Variants in PRKACB observed in about 807,000 individuals in gnomAD.
The protein encoded by PRKACB is cAMP-dependent protein kinase catalytic subunit beta.
In PRKACB, 16 loss-of-function variants were observed where a neutral mutation model predicts 51.4. The observed-to-expected ratio is 0.31, with a 90% CI of 0.21 to 0.47. The LOEUF is 0.47. Among genes scored for constraint, PRKACB ranks in the 20% least tolerant of loss-of-function variants. The probability of loss-of-function intolerance (pLI) is 1.00; values close to 1 mark genes in which losing one functional copy is unlikely to be tolerated. For missense variants in PRKACB, 309 were observed against 464.5 expected, an observed-to-expected ratio of 0.67 and a Z score of 3.08; for synonymous variants, 147 against 154.4, an observed-to-expected ratio of 0.95 and a Z score of 0.35.
At chr1:84,107,948 C>G (rs530959090) in intron 1 of PRKACB, among the ~76,000 whole-genome samples, 3 of 152,110 alleles carry the variant, frequency 2.0e-5, no homozygotes, top group African/African-American at 7.2e-5. Context: ...AAAAACAGAC[C>G]TACCATTGGA....
intron 8 of PRKACB, 70 bp from the exon 9 acceptor site, chr1:84,214,083 T>C: frequency 7.0e-7 from 1 of 1,426,528 alleles, no homozygotes; most frequent in South Asian, 1.6e-5. Context: ...AAAAAAAAAC[T>C]TTATGAAATC....
intron 1 of PRKACB, among the ~76,000 whole-genome samples, chr1:84,160,159 A>G (rs1287417854): frequency 6.6e-6 from 1 of 152,062 alleles, no homozygotes; most frequent in East Asian, 1.9e-4. Context: ...AATGTTTCAT[A>G]TAATTAACCA....
chr1:84,151,274 A>G (rs139059601), intron 1 of PRKACB, among the ~76,000 whole-genome samples: 136 of 152,294 alleles, frequency 8.9e-4, no homozygotes, highest in Middle Eastern at 3.4e-3. Context: ...TTAAAAGTAC[A>G]TATCTTAATT....
chr1:84,100,842 G>T (rs1308702554), intron 1 of PRKACB, among the ~76,000 whole-genome samples: 3 of 152,100 alleles, frequency 2.0e-5, no homozygotes, highest in Admixed American at 2.0e-4. Flanking sequence ...TTTTATACAA[G>T]AGGTAACTGA....
chr1:84,219,325 A>C (rs958922747), intron 9 of PRKACB, among the ~76,000 whole-genome samples: 2 of 151,754 alleles, frequency 1.3e-5, no homozygotes, highest in Non-Finnish European at 2.9e-5. Flanking sequence ...CCCAGGTTCA[A>C]GTGATTCTTC....
chr1:84,106,653 C>T (rs1175391081), intron 1 of PRKACB, among the ~76,000 whole-genome samples: 1 of 152,064 alleles, frequency 6.6e-6, no homozygotes, highest in Non-Finnish European at 1.5e-5. Flanking sequence ...TAGGAAGAAT[C>T]AATATGGTTA....
chr1:84,164,910 A>T, intron 1 of PRKACB: 8 of 1,499,514 alleles, frequency 5.3e-6, no homozygotes, highest in Non-Finnish European at 7.1e-6. Flanking sequence ...GTGTGTGTTT[A>T]CACCATCGGT....
intron 1 of PRKACB, 73 bp downstream of exon 1, chr1:84,144,621 TAAAG>T (rs1205169670): frequency 2.2e-6 from 3 of 1,394,762 alleles, no homozygotes; most frequent in East Asian, 2.6e-5. Context: ...CAATCAAACA[TAAAG>T]AACCCTCTTT....
At chr1:84,137,151 C>G (rs1652910384) in intron 1 of PRKACB, among the ~76,000 whole-genome samples, 1 of 152,118 alleles carries the variant, frequency 6.6e-6, no homozygotes, top group Non-Finnish European at 1.5e-5. Context: ...ATAAATTACC[C>G]AGCCTCAAAC....
intron 9 of PRKACB, 63 bp from the exon 10 acceptor site, chr1:84,235,117 G>A: frequency 2.0e-6 from 3 of 1,519,720 alleles, no homozygotes; most frequent in Non-Finnish European, 2.7e-6. Context: ...TTTTCTTGGT[G>A]TTTGGAAACT....
intron 1 of PRKACB, among the ~76,000 whole-genome samples, chr1:84,163,865 C>A (rs189140933): frequency 2.0e-5 from 3 of 152,024 alleles, no homozygotes; most frequent in African/African-American, 7.2e-5. Context: ...AACAAGGAAC[C>A]ATTCTATAGA....
At chr1:84,173,769 AC>A (rs906372931) in intron 1 of PRKACB, among the ~76,000 whole-genome samples, 1 of 151,920 alleles carries the variant, frequency 6.6e-6, no homozygotes, top group African/African-American at 2.4e-5. Context: ...GAAACTAATG[AC>A]AAAGTAGAAG....
Position 84,235,567 on chromosome 1 carries a change from A to C in PRKACB, c.*262A>C. ...CTTTGGGTTGTCTTTCTCCTCTCCTATATCCATTTCTTCCTTTTCCAATTT... is the reference window on the plus strand; with the variant it reads ...CTTTGGGTTGTCTTTCTCCTCTCCTCTATCCATTTCTTCCTTTTCCAATTT... On this transcript the variant is annotated 3_prime_UTR_variant, in exon 10 of 10. Coordinates refer to ENST00000370685, the MANE Select transcript of PRKACB (RefSeq NM_182948.4). The C allele has an allele frequency of 2.6e-6, 1 of 381,590 alleles. No homozygotes were observed. The highest frequency in any genetic ancestry group is 4.7e-6 in the Non-Finnish European group (1 of 212,474). 23.6% of individuals were successfully genotyped at this position (381,590 alleles called of 1,614,324 possible).
chr1:84,217,900 A>G (rs927673903), intron 9 of PRKACB, among the ~76,000 whole-genome samples: 2 of 152,228 alleles, frequency 1.3e-5, no homozygotes, highest in Admixed American at 6.5e-5. Flanking sequence ...GTAATTAACC[A>G]GTTGTCCCCT....
chr1:84,215,337 G>T (rs1313625645), intron 9 of PRKACB, among the ~76,000 whole-genome samples: 1 of 152,132 alleles, frequency 6.6e-6, no homozygotes, highest in Non-Finnish European at 1.5e-5. Context: ...CTTTATTCCT[G>T]CCCATATGAA....
In PRKACB at chr1:84,102,310, C is replaced by G. The variant is rs755899612; in HGVS notation, c.46+23939C>G. 2.0e-5 allele frequency among the ~76,000 whole-genome samples: 3 copies of G among 152,138 alleles called. No individual in the cohort carries two copies. The East Asian group carries it at 5.8e-4, about 29-fold the overall frequency. On this transcript the variant is annotated intron_variant, in intron 1 of 8. Coordinates refer to the PRKACB transcript ENST00000370688. ...GCTAAGGTAGGAGAATCGCTTGAAT[C>G]TGGGAGGCGGAGGTTGTAGTCAACC...
At chr1:84,180,552 C>A (rs1427005274) in intron 2 of PRKACB, among the ~76,000 whole-genome samples, 1 of 151,510 alleles carries the variant, frequency 6.6e-6, no homozygotes, top group Non-Finnish European at 1.5e-5. Context: ...ACCACCTGTA[C>A]CCCAATAACT....
chr1:84,165,398 C>T (rs1475497286), intron 1 of PRKACB, among the ~76,000 whole-genome samples: 1 of 151,588 alleles, frequency 6.6e-6, no homozygotes, highest in African/African-American at 2.4e-5. Context: ...ATTCCTAATG[C>T]TAATTTTTAT....
intron 1 of PRKACB, among the ~76,000 whole-genome samples, chr1:84,113,379 G>A (rs754288153): frequency 2.6e-5 from 4 of 152,164 alleles, no homozygotes; most frequent in South Asian, 2.1e-4. Context: ...AGACATACTG[G>A]TGAGGATGCA....
Sources: gnomAD v4.1 joint callset for allele counts (sites outside exome capture counted in the v4.1 genomes callset) on GRCh38, gnomAD v4.1.1 for gene constraint, MANE v1.5 for transcripts, NCBI Gene and HGNC (gene_info 2026-07-23, HGNC 2026-07-21) for gene names.